SPIRE2: variants seen among roughly 807,000 people sequenced by gnomAD.
SPIRE2 encodes the protein protein spire homolog 2.
Under a neutral mutation model 80.7 loss-of-function variants are expected in SPIRE2, and 76 were observed. The ratio of observed to expected loss-of-function variants is 0.94; its 90% CI spans 0.78 to 1.14. The LOEUF (loss-of-function observed/expected upper bound fraction) is 1.14. Ranked by LOEUF, SPIRE2 falls within the 50% of genes most tolerant of loss-of-function variation. The pLI is 0.00. For synonymous variants in SPIRE2, 535 were observed against 432.6 expected (o/e 1.24, Z -2.94); for missense variants, 1,196 against 1,015.3 (o/e 1.18, Z -2.42).
intron 1 of SPIRE2, among the ~76,000 whole-genome samples, chr16:89,839,253 A>G (rs540228144): frequency 2.0e-5 from 3 of 152,168 alleles, no homozygotes; most frequent in African/African-American, 7.2e-5. Flanking sequence ...GGGCGCCTGT[A>G]GTCCCATCTA....
intron 7 of SPIRE2, among the ~76,000 whole-genome samples, chr16:89,857,290 C>A (rs1384850994): frequency 1.3e-5 from 2 of 151,822 alleles, no homozygotes; most frequent in African/African-American, 4.8e-5. Context: ...CATGCACCAC[C>A]ACGCCCGGCT....
intron 1 of SPIRE2, among the ~76,000 whole-genome samples, chr16:89,838,653 C>T (rs1406177874): frequency 6.6e-6 from 1 of 152,212 alleles, no homozygotes; most frequent in African/African-American, 2.4e-5. Context: ...TTGGGTGCTG[C>T]GGGCTTACTC....
At chr16:89,843,667 G>GTTTTTTT (rs746543138) in intron 1 of SPIRE2, among the ~76,000 whole-genome samples, 1 of 60,392 alleles carries the variant, frequency 1.7e-5, no homozygotes, top group Non-Finnish European at 2.8e-5. Context: ...TTGCTGCCAC[G>GTTTTTTT]TTTTTTTTTT....
At chr16:89,855,257 C>T (rs73270328) in intron 5 of SPIRE2, among the ~76,000 whole-genome samples, 7 of 152,036 alleles carry the variant, frequency 4.6e-5, no homozygotes, top group Admixed American at 2.6e-4. Flanking sequence ...ATATTTTTGC[C>T]GTAACAAAAC....
intron 1 of SPIRE2, among the ~76,000 whole-genome samples, chr16:89,840,087 C>G (rs1489215458): frequency 1.3e-5 from 2 of 152,098 alleles, no homozygotes; most frequent in Non-Finnish European, 2.9e-5. Context: ...TCGGGCTAGG[C>G]TGACGCTCCC....
rs780169960 is a variant in SPIRE2, at chr16:89,870,111, G to A, written c.1984G>A (p.Gly662Ser). The A allele has an allele frequency of 9.3e-6, 15 of 1,613,440 alleles. No homozygotes were observed. The highest frequency in any genetic ancestry group is 1.3e-5 in the African/African-American group (1 of 74,910). ...GGCGTTCCCCCACATCTACTCCCAC[G>A]GCTGTGTCCTGAAGGATGTCTGCAG... ...EEAFPHIYSH[G>S]CVLKDVCSEC... The change falls in exon 15 of 15, where the codon GGC (glycine) becomes AGC (serine). Residue 662 changes from glycine (G) to serine (S), a missense_variant. Transcript: ENST00000378247.
chr16:89,834,093 CGGTTGGCCGTCGT>C, intron 1 of SPIRE2, among the ~76,000 whole-genome samples: 1 of 151,566 alleles, frequency 6.6e-6, no homozygotes, highest in African/African-American at 2.4e-5. Flanking sequence ...CCTGCGCTCG[CGGTTGGCCGTCGT>C]AGAAGCATGG....
intron 1 of SPIRE2, among the ~76,000 whole-genome samples, chr16:89,842,208 ATTT>A (rs71137682): frequency 7.4e-5 from 6 of 81,308 alleles, no homozygotes; most frequent in Admixed American, 3.4e-4. Context: ...TGAACACGTA[ATTT>A]TTTTTTTTTT....
Position 89,863,718 on chromosome 16 carries a change from G to A in SPIRE2, c.1711-76G>A. 1 of 1,609,262 alleles carries A rather than the reference G, an allele frequency of 6.2e-7. No homozygotes were observed. The highest frequency in any genetic ancestry group is 2.2e-5 in the East Asian group (1 of 44,848). The stretch of plus-strand genomic sequence containing the variant: ...TGCTCATGATCTGGTTGGGAGCCCT[G>A]AGGGGGTAGCAGGGACAGGGCGGGA... On this transcript the variant is annotated intron_variant, in intron 11 of 14. Transcript: ENST00000378247. This position sits in a 1 kb window ranked among gnomAD's most constrained non-coding sequence, Gnocchi z 4.3.
chr16:89,854,189 A>C, intron 3 of SPIRE2, 97 bp from the exon 4 acceptor site: 1 of 1,120,452 alleles, frequency 8.9e-7, no homozygotes, highest in South Asian at 1.4e-5. Flanking sequence ...GGTCGAGTGG[A>C]GCCCCCGTGA....
At chr16:89,845,812 T>A (rs1479862556) in intron 2 of SPIRE2, 2 of 571,554 alleles carry the variant, frequency 3.5e-6, no homozygotes, top group Non-Finnish European at 6.2e-6. Context: ...TCACCTGCCC[T>A]GAAGTCATGT....
At position 89,863,097 on chromosome 16, in the gene SPIRE2, C is replaced by A. The variant is rs2041758663; in HGVS notation, c.1576-379C>A. The A allele has an allele frequency of 7.4e-6, 2 of 269,646 alleles. No homozygotes were observed. Among genetic ancestry groups the A allele is most frequent in the Non-Finnish European group, 1.4e-5 (2 of 138,034 alleles). The allele number at this position is 269,646 out of a possible 1,614,324, so 16.7% of individuals were successfully genotyped here. A position where few individuals can be genotyped will look rare whatever the true frequency, so the allele number is the denominator to read the frequency against. On this transcript the variant is annotated intron_variant, in intron 10 of 14. Coordinates refer to ENST00000378247, the MANE Select transcript of SPIRE2 (RefSeq NM_032451.2). This position sits in a 1 kb window ranked among gnomAD's most constrained non-coding sequence, Gnocchi z 4.3. The stretch of plus-strand genomic sequence containing the variant: ...GGCCTGTTGGAGGGTCCTGGACCTT[C>A]CAGAAAAGAGGACATCAGCTGCTCA...
intron 1 of SPIRE2, among the ~76,000 whole-genome samples, chr16:89,842,689 C>T (rs1272878855): frequency 6.6e-6 from 1 of 152,238 alleles, no homozygotes; most frequent in African/African-American, 2.4e-5. Flanking sequence ...AGCCCTTCCC[C>T]ACAGGGCCCT....
Position 89,854,241 on chromosome 16 carries a change from C to T in SPIRE2, c.646-45C>T, listed in dbSNP as rs746713712. ...ACGGACGGGGCCCGTCTTGCATCTG[C>T]CATTCTCGTACCTCCCCTGGACTGA... On this transcript the variant is annotated intron_variant, in intron 3 of 14. Coordinates refer to ENST00000378247, the MANE Select transcript of SPIRE2 (RefSeq NM_032451.2). 1.9e-6 allele frequency: 3 copies of T among 1,575,496 alleles called. No individual in the cohort carries two copies. In the East Asian group the frequency reaches 6.9e-5, roughly 36 times the overall value.
At chr16:89,854,685 T>A in intron 5 of SPIRE2, 34 bp downstream of exon 5, 1 of 1,598,750 alleles carries the variant, frequency 6.3e-7, no homozygotes, top group Non-Finnish European at 8.5e-7. Flanking sequence ...GCAGCCTGGA[T>A]GCAGAGGTCG....
chr16:89,868,161 A>G, intron 12 of SPIRE2, 28 bp from the exon 13 acceptor site: 1 of 1,614,052 alleles, frequency 6.2e-7, no homozygotes, highest in South Asian at 1.1e-5. Flanking sequence ...CTCCCTGCTG[A>G]TGCTGCATTT....
intron 1 of SPIRE2, among the ~76,000 whole-genome samples, chr16:89,844,491 T>C (rs1308341324): frequency 6.6e-6 from 1 of 150,808 alleles, no homozygotes; most frequent in East Asian, 2.0e-4. Context: ...CAGGCTGGAG[T>C]GCAGTGGTGC....
At chr16:89,854,738 C>T in intron 5 of SPIRE2, 87 bp downstream of exon 5, 1 of 1,318,602 alleles carries the variant, frequency 7.6e-7, no homozygotes, top group Non-Finnish European at 1.0e-6. Context: ...GGATGTTGGG[C>T]AGCCCACCCC....
chr16:89,829,528 CTG>C (rs1468668440), intron 1 of SPIRE2, among the ~76,000 whole-genome samples: 4 of 152,198 alleles, frequency 2.6e-5, no homozygotes, highest in African/African-American at 7.2e-5. Flanking sequence ...CAGAGGCAGG[CTG>C]TGTGTTTGCC....
Sources: gnomAD v4.1 joint callset for allele counts (sites outside exome capture counted in the v4.1 genomes callset) on GRCh38, gnomAD v4.1.1 for gene constraint, Gnocchi (gnomAD v3.1) non-coding constraint, MANE v1.5 for transcripts, NCBI Gene and HGNC (gene_info 2026-07-23, HGNC 2026-07-21) for gene names.